The following WIPF1 variants were observed in gnomAD, a reference collection of about 807,000 sequenced individuals.
WIPF1 encodes WAS/WASL interacting protein family member 1, also known as WAS/WASL-interacting protein family member 1.
WIPF1 carries 13 observed loss-of-function variants against 35.4 expected under a neutral mutation model. The observed-to-expected ratio is 0.37, with a 90% confidence interval of 0.24 to 0.58. WIPF1 has a LOEUF of 0.58. Ranked by LOEUF, WIPF1 falls within the 20% of genes least tolerant of loss-of-function variation. The pLI, the probability that WIPF1 is intolerant of heterozygous loss-of-function variation, is 0.74. For synonymous variants in WIPF1, 267 were observed against 266.3 expected (o/e 1.00, Z -0.02); for missense variants, 591 against 667.0 (o/e 0.89, Z 1.25).
chr2:174,625,453 T>C (rs1267267728), intron 1 of WIPF1, among the ~76,000 whole-genome samples: 1 of 152,136 alleles, frequency 6.6e-6, no homozygotes, highest in Non-Finnish European at 1.5e-5. Context: ...GAAAGCAGGC[T>C]GGGGGGCTCT....
rs1686398837 is a variant in WIPF1, at chr2:174,612,955, C to G, written c.-38-27344G>C. On this transcript the variant is annotated intron_variant, in intron 1 of 8. Transcript: ENST00000272746. ...TGTTTATAAACCAAATGTTCATAAA[C>G]CAAGGACTACCTTTATTTTATTAGC... Among the ~76,000 whole-genome samples the G allele has an allele frequency of 3.3e-5, 5 of 152,276 alleles. No homozygotes were observed. The South Asian group carries it at 1.0e-3, about 32-fold the overall frequency.
intron 1 of WIPF1, among the ~76,000 whole-genome samples, chr2:174,618,375 T>C (rs1296234139): frequency 6.6e-6 from 1 of 152,152 alleles, no homozygotes; most frequent in Non-Finnish European, 1.5e-5. Flanking sequence ...CAGTTAGCAC[T>C]AGGGAAACAA....
At chr2:174,646,990 G>T (rs924773912) in intron 1 of WIPF1, among the ~76,000 whole-genome samples, 7 of 152,172 alleles carry the variant, frequency 4.6e-5, no homozygotes, top group Non-Finnish European at 1.0e-4. Flanking sequence ...CAGAGCTGCA[G>T]ATTATCCCAG....
intron 1 of WIPF1, among the ~76,000 whole-genome samples, chr2:174,647,759 A>T (rs899834273): frequency 6.6e-6 from 1 of 152,210 alleles, no homozygotes; most frequent in African/African-American, 2.4e-5. Flanking sequence ...AGAAAGATAA[A>T]GAGAGGTTTC....
At chr2:174,589,857 A>G (rs1414741984) in intron 1 of WIPF1, among the ~76,000 whole-genome samples, 1 of 152,192 alleles carries the variant, frequency 6.6e-6, no homozygotes, top group Non-Finnish European at 1.5e-5. Flanking sequence ...AGAAGTACAT[A>G]TTTTAATAAA....
chr2:174,680,368 C>T (rs1193052249), intron 1 of WIPF1, among the ~76,000 whole-genome samples: 1 of 152,184 alleles, frequency 6.6e-6, no homozygotes, highest in African/African-American at 2.4e-5. Context: ...CTTCAAGAAC[C>T]ATGGTATAAT....
At position 174,657,018 on chromosome 2, in the gene WIPF1, A is replaced by C. The variant is rs373792785; in HGVS notation, c.-39+25756T>G. On this transcript the variant is annotated intron_variant, in intron 1 of 8. Coordinates refer to the WIPF1 transcript ENST00000272746. Reference sequence around the variant, plus strand: ...GACAGCTGATACACACTGTTACATAATCCAGAATATTTTCTGGCTAGACTA... The same window carrying C: ...GACAGCTGATACACACTGTTACATACTCCAGAATATTTTCTGGCTAGACTA... 5.3e-5 allele frequency among the ~76,000 whole-genome samples: 8 copies of C among 152,224 alleles called. No homozygotes were observed. The East Asian group carries it at 1.5e-3, about 29-fold the overall frequency.
chr2:174,658,957 A>C (rs781776239), intron 1 of WIPF1, among the ~76,000 whole-genome samples: 1 of 152,154 alleles, frequency 6.6e-6, no homozygotes. Flanking sequence ...AAGTCATTTC[A>C]GCCCTTAAGC....
chr2:174,648,678 G>C (rs1286503834), intron 1 of WIPF1, among the ~76,000 whole-genome samples: 1 of 152,188 alleles, frequency 6.6e-6, no homozygotes, highest in Non-Finnish European at 1.5e-5. Context: ...TTATAGGCAT[G>C]AATCTCTCCC....
chr2:174,677,172 A>C (rs1688152846), intron 1 of WIPF1: 1 of 152,026 alleles, frequency 6.6e-6, no homozygotes. Context: ...AAGTCATCTT[A>C]TATACATCAC....
chr2:174,564,451 T>C (rs887958749), intron 7 of WIPF1, among the ~76,000 whole-genome samples: 9 of 152,134 alleles, frequency 5.9e-5, no homozygotes, highest in Admixed American at 2.0e-4. Flanking sequence ...ATATCCTGTC[T>C]CTATAAGAAA....
At chr2:174,610,031 G>T (rs770677724) in intron 1 of WIPF1, among the ~76,000 whole-genome samples, 1 of 152,152 alleles carries the variant, frequency 6.6e-6, no homozygotes, top group African/African-American at 2.4e-5. Flanking sequence ...TTCCCTCCAA[G>T]AACTTCCCTC....
rs1400755844 is a variant in WIPF1, at chr2:174,572,393, C to A, written c.412G>T (p.Ala138Ser). The A allele has an allele frequency of 6.2e-7, 1 of 1,614,140 alleles. No individual in the cohort carries two copies. Among genetic ancestry groups the A allele is most frequent in the South Asian group, 1.1e-5 (1 of 91,076 alleles). ...CCACTTGGGGGTGAAAAGGGTTTCG[C>A]AGATGTGGATCTTCCTCCCGGTGGC... Reference protein sequence around the residue: ...LLPPGGRSTSAKPFSPPSGPG... With the variant: ...LLPPGGRSTSSKPFSPPSGPG... The change falls in exon 5 of 8, where the codon GCG becomes TCG. Residue 138 changes from alanine (A) to serine (S), a missense_variant. Transcript: ENST00000679041.
At chr2:174,569,934 T>C (rs1439292018) in intron 5 of WIPF1, among the ~76,000 whole-genome samples, 1 of 152,184 alleles carries the variant, frequency 6.6e-6, no homozygotes, top group African/African-American at 2.4e-5. Context: ...GAATGTAAAT[T>C]GGTAGGAAAT....
chr2:174,665,751 T>C (rs1453029736), intron 1 of WIPF1: 2 of 152,214 alleles, frequency 1.3e-5, no homozygotes, highest in Non-Finnish European at 1.5e-5. Flanking sequence ...ATGAAAAATG[T>C]ATTTCTTACT....
rs149190127 is a variant in WIPF1, at chr2:174,645,536, T to C, written c.-39+37238A>G. On this transcript the variant is annotated intron_variant, in intron 1 of 8. Transcript: ENST00000272746. ...ATGACCCTGAGGGATTTTTGGAGTA[T>C]TATGTCATGCAAAGCCTCTCCTCAT... Among the ~76,000 whole-genome samples, 19 of 152,288 alleles carry C rather than the reference T, an allele frequency of 1.2e-4. No homozygotes were observed. The East Asian group carries it at 2.3e-3, about 19-fold the overall frequency.
At chr2:174,661,317 AT>A (rs2105974450) in intron 1 of WIPF1, among the ~76,000 whole-genome samples, 1 of 152,242 alleles carries the variant, frequency 6.6e-6, no homozygotes, top group South Asian at 2.1e-4. Context: ...CAAAAAGCCT[AT>A]TACATTAAGG....
intron 1 of WIPF1, among the ~76,000 whole-genome samples, chr2:174,672,861 TG>T (rs1401408468): frequency 1.3e-5 from 2 of 152,238 alleles, no homozygotes; most frequent in African/African-American, 2.4e-5. Context: ...GCCCTTTTCA[TG>T]TTACCTTTCT....
At chr2:174,667,244 T>G (rs891431521) in intron 1 of WIPF1, among the ~76,000 whole-genome samples, 2 of 152,176 alleles carry the variant, frequency 1.3e-5, no homozygotes, top group African/African-American at 4.8e-5. Context: ...GGCACCCTCT[T>G]CCTGGGACTG....
Sources: gnomAD v4.1 joint callset for allele counts (sites outside exome capture counted in the v4.1 genomes callset) on GRCh38, gnomAD v4.1.1 for gene constraint, MANE v1.5 for transcripts, NCBI Gene and HGNC (gene_info 2026-07-23, HGNC 2026-07-21) for gene names.